GNB4: variants seen among roughly 807,000 people sequenced by gnomAD.
The protein encoded by GNB4 is guanine nucleotide-binding protein subunit beta-4.
GNB4 carries 28 observed loss-of-function variants against 45.2 expected under a neutral mutation model. The ratio of observed to expected loss-of-function variants is 0.62; its 90% confidence interval spans 0.46 to 0.85. The LOEUF (loss-of-function observed/expected upper bound fraction) is 0.85, where lower values mean the gene tolerates loss of function less well. Ranked by LOEUF, GNB4 falls within the 40% of genes least tolerant of loss-of-function variation. The pLI, the probability that GNB4 is intolerant of heterozygous loss-of-function variation, is 0.00. For missense variants in GNB4, 321 were observed against 425.4 expected (o/e 0.75, Z 2.16); for synonymous variants, 132 against 143.7 (o/e 0.92, Z 0.58).
Position 179,409,073 on chromosome 3 carries a change from G to A in GNB4, c.700-3667C>T, listed in dbSNP as rs1238115021. The stretch of plus-strand genomic sequence containing the variant: ...TGGGCCCAGGGAAGTCGAGGCTGCA[G>A]TGAGCCATGACTGCACCACTGCACT... On this transcript the variant is annotated intron_variant, in intron 8 of 9. Transcript: ENST00000232564. Among the ~76,000 whole-genome samples, 5 of 150,240 alleles carry A rather than the reference G, an allele frequency of 3.3e-5. No individual in the cohort carries two copies. In the South Asian group the frequency reaches 6.3e-4, roughly 19 times the overall value.
intron 4 of GNB4, among the ~76,000 whole-genome samples, chr3:179,418,145 T>C (rs1714857124): frequency 6.6e-6 from 1 of 152,154 alleles, no homozygotes; most frequent in Non-Finnish European, 1.5e-5. Context: ...AGGTAAATTA[T>C]TTTTATCTTC....
the GNB4 span, among the ~76,000 whole-genome samples, chr3:179,500,900 G>A: frequency 2.0e-5 from 3 of 152,192 alleles, no homozygotes; most frequent in East Asian, 1.9e-4. Flanking sequence ...TGGTGTACAG[G>A]AATGCTTGTG....
At chr3:179,458,000 G>A in the GNB4 span, among the ~76,000 whole-genome samples, 1 of 151,770 alleles carries the variant, frequency 6.6e-6, no homozygotes, top group African/African-American at 2.4e-5. Flanking sequence ...CGCCTCCCAG[G>A]TTCAAGCAAT....
chr3:179,419,539 T>G (rs756108628), intron 3 of GNB4, 34 bp from the exon 4 acceptor site: 1 of 1,252,102 alleles, frequency 8.0e-7, no homozygotes, highest in Non-Finnish European at 1.2e-6. Context: ...ATTCTTTACC[T>G]TAATCATAGT....
intron 1 of GNB4, among the ~76,000 whole-genome samples, chr3:179,446,621 A>C (rs1057451377): frequency 6.6e-6 from 1 of 152,122 alleles, no homozygotes. Flanking sequence ...TTTGTGATCT[A>C]GGTTCTTGTA....
chr3:179,523,223 G>A, the GNB4 span, among the ~76,000 whole-genome samples: 1 of 152,152 alleles, frequency 6.6e-6, no homozygotes, highest in Non-Finnish European at 1.5e-5. Context: ...ATTATACCGA[G>A]ATAGGTAAGG....
At chr3:179,456,726 T>G in the GNB4 span, among the ~76,000 whole-genome samples, 1 of 152,200 alleles carries the variant, frequency 6.6e-6, no homozygotes, top group Admixed American at 6.5e-5. Context: ...TATAGTCACC[T>G]CTCTTCCCTA....
At chr3:179,443,579 T>C (rs1715647633) in intron 1 of GNB4, among the ~76,000 whole-genome samples, 1 of 152,128 alleles carries the variant, frequency 6.6e-6, no homozygotes, top group African/African-American at 2.4e-5. Context: ...TAAGTAGAAA[T>C]AGAATACAGC....
Position 179,413,607 on chromosome 3 carries a change from TA to T in GNB4, c.503del (p.Leu168TyrfsTer20). The T allele has an allele frequency of 1.9e-6, 3 of 1,614,106 alleles. No individual in the cohort carries two copies. The highest frequency in any genetic ancestry group is 2.5e-6 in the Non-Finnish European group (3 of 1,179,968). ...TCTGCTGGGCAGTTTCGATGTCCCA[TA>T]AAGCACTGTAATTAAAAACAAAATT... ...VTSSGDTTCA[L>X]WDIETAQQTT... is the part of the protein sequence containing the mutation. On this transcript the variant is annotated frameshift_variant, in exon 8 of 10. Coordinates refer to ENST00000232564, the MANE Select transcript of GNB4 (RefSeq NM_021629.4). LOFTEE classifies it high-confidence loss of function.
the GNB4 span, among the ~76,000 whole-genome samples, chr3:179,474,287 C>CA: frequency 6.6e-6 from 1 of 151,962 alleles, no homozygotes; most frequent in African/African-American, 2.4e-5. Flanking sequence ...TGCAGTAGCA[C>CA]GTCTCAGCTC....
the GNB4 span, among the ~76,000 whole-genome samples, chr3:179,523,327 G>A: frequency 1.3e-5 from 2 of 152,174 alleles, no homozygotes; most frequent in Admixed American, 1.3e-4. Context: ...AGCCTGATGG[G>A]TGTCAGGGTC....
the GNB4 span, among the ~76,000 whole-genome samples, chr3:179,507,396 G>A: frequency 6.6e-6 from 1 of 152,150 alleles, no homozygotes; most frequent in African/African-American, 2.4e-5. Flanking sequence ...AGGTAGGAAG[G>A]AAGGAAGGAA....
At chr3:179,504,271 C>G in the GNB4 span, among the ~76,000 whole-genome samples, 1 of 152,084 alleles carries the variant, frequency 6.6e-6, no homozygotes, top group African/African-American at 2.4e-5. Flanking sequence ...CTCCCACAGG[C>G]CTGATACTGT....
At chr3:179,424,118 T>C (rs1715076967) in intron 2 of GNB4, among the ~76,000 whole-genome samples, 1 of 152,242 alleles carries the variant, frequency 6.6e-6, no homozygotes, top group Non-Finnish European at 1.5e-5. Flanking sequence ...ACACCTGGTC[T>C]GAATCCTGGA....
At chr3:179,506,886 C>T in the GNB4 span, among the ~76,000 whole-genome samples, 11 of 152,184 alleles carry the variant, frequency 7.2e-5, no homozygotes, top group Non-Finnish European at 1.5e-4. Flanking sequence ...CCCTAAAGAA[C>T]ATAGCACCTT....
At chr3:179,495,361 C>T in the GNB4 span, among the ~76,000 whole-genome samples, 2 of 151,506 alleles carry the variant, frequency 1.3e-5, no homozygotes, top group Non-Finnish European at 2.9e-5. Context: ...CATGTGGTTC[C>T]ACCTACTTGG....
intron 6 of GNB4, among the ~76,000 whole-genome samples, chr3:179,414,181 C>G (rs1311450260): frequency 1.3e-5 from 2 of 151,746 alleles, no homozygotes; most frequent in African/African-American, 4.8e-5. Context: ...CCCTTCTCTG[C>G]AAGGAGCAGT....
the GNB4 span, among the ~76,000 whole-genome samples, chr3:179,498,756 T>G: frequency 6.2e-5 from 9 of 145,608 alleles, no homozygotes; most frequent in South Asian, 2.2e-4. Context: ...TTGGTTTTTT[T>G]TTTTTTTTTT....
chr3:179,414,580 A>G (rs571923746), intron 6 of GNB4, among the ~76,000 whole-genome samples: 1 of 152,338 alleles, frequency 6.6e-6, no homozygotes, highest in Non-Finnish European at 1.5e-5. Context: ...CCACAATCCC[A>G]TAATTGTTAT....
Sources: gnomAD v4.1 joint callset for allele counts (sites outside exome capture counted in the v4.1 genomes callset) on GRCh38, gnomAD v4.1.1 for gene constraint, MANE v1.5 for transcripts, NCBI Gene and HGNC (gene_info 2026-07-23, HGNC 2026-07-21) for gene names.